The following NOS3 variants were observed in gnomAD, a reference collection of about 807,000 sequenced individuals.
NOS3 encodes NOS type III.
In NOS3, 98 loss-of-function variants were observed where a neutral mutation model predicts 144.9. The observed-to-expected ratio is 0.68, with a 90% CI of 0.57 to 0.80. The LOEUF is 0.80. NOS3 is among the 30% of genes least tolerant of loss of function. NOS3 has a pLI of 0.00. For synonymous variants in NOS3, 714 were observed against 702.4 expected, an observed-to-expected ratio of 1.02 and a Z score of -0.26; for missense variants, 1,465 against 1,656.4, an observed-to-expected ratio of 0.88 and a Z score of 2.01.
rs1319448556 is a variant in NOS3 at position 150,999,261 on chromosome 7, T to C, written c.1028T>C (p.Ile343Thr). Residue 343 changes from isoleucine to threonine, a missense_variant, in exon 9 of 27, where the codon ATT becomes ACT. This residue lies in a region of NOS3 where 745 missense variants were observed against 853.9 expected (regional missense o/e 0.87). Coordinates refer to ENST00000297494, the MANE Select transcript of NOS3 (RefSeq NM_000603.5). ...GCAGTGTCCAACATGCTGCTGGAAA[T>C]TGGGGGCCTGGAGTTCCCCGCAGCC... ...LPAVSNMLLE[I>T]GGLEFPAAPF... 6.8e-6 allele frequency: 11 copies of C among 1,612,116 alleles called. No individual in the cohort carries two copies. The highest frequency in any genetic ancestry group is 2.2e-5 in the East Asian group (1 of 44,890).
chr7:150,991,943 C>G (rs1802262860), intron 1 of NOS3, among the ~76,000 whole-genome samples: 1 of 151,488 alleles, frequency 6.6e-6, no homozygotes, highest in Non-Finnish European at 1.5e-5. Flanking sequence ...TTACAGTGAG[C>G]TGAGATAGCA....
rs763782150 is a variant in NOS3, at chr7:151,006,414, C to T, written c.1753-13C>T. 4 of 1,611,464 alleles carry T rather than the reference C, an allele frequency of 2.5e-6. No individual in the cohort carries two copies. The South Asian group carries it at 3.3e-5, about 13-fold the overall frequency. On this transcript the variant is annotated splice_polypyrimidine_tract_variant and intron_variant, in intron 14 of 26. Transcript: ENST00000297494. ...AACAAAACTAACCCTGATGCAAACACTCCCCTCGCCAGAGCTTTGCAGCTG... is the reference window on the plus strand; with the variant it reads ...AACAAAACTAACCCTGATGCAAACATTCCCCTCGCCAGAGCTTTGCAGCTG...
Position 151,010,142 on chromosome 7 carries a change from A to AC in NOS3, c.2545dup (p.Arg849ProfsTer183), listed in dbSNP as rs1795272327. Reference sequence around the variant, plus strand: ...GGCCCTCCCCCCGGCTGGGTGCGGGACCCCCGGCTGCCCCCGTGCACGCTG... The same window carrying AC: ...GGCCCTCCCCCCGGCTGGGTGCGGGACCCCCCGGCTGCCCCCGTGCACGCTG... On this transcript the variant is annotated frameshift_variant, in exon 21 of 27. Coordinates refer to ENST00000297494, the MANE Select transcript of NOS3 (RefSeq NM_000603.5). LOFTEE classifies it high-confidence loss of function. The AC allele has an allele frequency of 6.2e-7, 1 of 1,606,564 alleles. No homozygotes were observed. Among genetic ancestry groups the AC allele is most frequent in the African/African-American group, 1.3e-5 (1 of 74,686 alleles).
rs144949709 is a variant in NOS3, at chr7:151,001,878, G to C, written c.1560G>C (p.Ala520=). ...MGTVMAKRVK[A]TILYGSETGR... is the part of the protein sequence containing the mutation. ...CGGTGATGGCGAAGCGAGTGAAGGC[G>C]ACAATCCTGTATGGCTCCGAGACCG... The change falls in exon 13 of 27, where the codon GCG becomes GCC. Residue 520 remains alanine, a synonymous_variant. Transcript: ENST00000297494. The C allele has an allele frequency of 6.2e-7, 1 of 1,613,602 alleles. No individual in the cohort carries two copies. The highest frequency in any genetic ancestry group is 8.5e-7 in the Non-Finnish European group (1 of 1,180,042).
chr7:151,000,484 C>T lies in NOS3; in HGVS notation c.1132-14C>T. The T allele has an allele frequency of 1.3e-6, 2 of 1,561,244 alleles. No individual in the cohort carries two copies. The highest frequency in any genetic ancestry group is 8.8e-7 in the Non-Finnish European group (1 of 1,132,270). ...CCTCTGTCCCTACCGATGCCACACA[C>T]CCTTCTGCCCCAGGATGTGGCTGTC... On this transcript the variant is annotated splice_polypyrimidine_tract_variant and intron_variant, in intron 9 of 26. Coordinates refer to ENST00000297494, the MANE Select transcript of NOS3 (RefSeq NM_000603.5).
At chr7:151,007,372 C>A in intron 17 of NOS3, 96 bp downstream of exon 17, 1 of 1,335,556 alleles carries the variant, frequency 7.5e-7, no homozygotes, top group Non-Finnish European at 1.0e-6. Context: ...TTGGTCCCTT[C>A]CTGTTCCTTC....
rs1371010246 is a variant in NOS3, at chr7:151,014,480, ATC to A, written c.*313_*314del. 2 of 390,100 alleles carry A rather than the reference ATC, an allele frequency of 5.1e-6. No individual in the cohort carries two copies. Among genetic ancestry groups the A allele is most frequent in the Non-Finnish European group, 9.2e-6 (2 of 218,024 alleles). The allele number at this position is 390,100 out of a possible 1,614,324, so 24.2% of individuals were successfully genotyped here. The stretch of plus-strand genomic sequence containing the variant: ...GATTCCTCTTGCCTCTCTCAGGAGT[ATC>A]TTACCTGTAAAGTCTAATCTCTAAA... On this transcript the variant is annotated 3_prime_UTR_variant, in exon 27 of 27. Coordinates refer to ENST00000297494, the MANE Select transcript of NOS3 (RefSeq NM_000603.5).
chr7:151,009,618 C>A (rs1448518814), intron 20 of NOS3, 33 bp downstream of exon 20: 3 of 1,475,108 alleles, frequency 2.0e-6, no homozygotes, highest in African/African-American at 1.4e-5. Context: ...ACAGGGCACA[C>A]CAGCCCCATG....
rs1271726790 is a variant in NOS3 at position 150,998,305 on chromosome 7, GA to G, written c.583-51del. ...CAGCTCCTCTGGAGCTGATACTCAA[GA>G]CCCCCCGTCTCTCTCCTCACCCTCC... On this transcript the variant is annotated intron_variant, in intron 5 of 26. Transcript: ENST00000297494. The surrounding 1 kb of genome is among the most constrained non-coding windows in gnomAD (Gnocchi z 5.0). 2.9e-5 allele frequency: 45 copies of G among 1,530,522 alleles called. No homozygotes were observed. The highest frequency in any genetic ancestry group is 1.7e-4 in the Middle Eastern group (1 of 5,920). The allele number at this position is 1,530,522 out of a possible 1,614,324, so 94.8% of individuals were successfully genotyped here.
At chr7:151,006,314 TA>T in intron 14 of NOS3, 112 bp from the exon 15 acceptor site, 2 of 823,450 alleles carry the variant, frequency 2.4e-6, no homozygotes, top group Non-Finnish European at 4.0e-6. Flanking sequence ...TCAAAACAAA[TA>T]AAAATTAAGT....
At chr7:151,004,153 A>T (rs7776461) in intron 14 of NOS3, among the ~76,000 whole-genome samples, 25 of 152,200 alleles carry the variant, frequency 1.6e-4, no homozygotes, top group Admixed American at 1.6e-3. Flanking sequence ...CCTGGCCAAC[A>T]TGGCAAAACC....
chr7:150,994,345 G>A (rs999586395), intron 2 of NOS3, among the ~76,000 whole-genome samples: 3 of 152,210 alleles, frequency 2.0e-5, no homozygotes, highest in Non-Finnish European at 2.9e-5. Flanking sequence ...CAACAGCAGC[G>A]ATGATTATTT....
At position 151,008,954 on chromosome 7, in the gene NOS3, G is replaced by A. The variant is rs750314400; in HGVS notation, c.2137G>A (p.Gly713Arg). The change falls in exon 18 of 27, where the codon GGA (glycine) becomes AGA (arginine). Residue 713 changes from glycine to arginine, a missense_variant. Gly to Arg is a moderately radical substitution (Grantham distance 125). Transcript: ENST00000297494. ...GGCCGCCTGTGAGACCTTCTGTGTG[G>A]GAGAGGATGCCAAGGCCGCCGCCCG... ...FQAACETFCV[G>R]EDAKAAARDI... 1.9e-6 allele frequency: 3 copies of A among 1,610,488 alleles called. No homozygotes were observed. The highest frequency in any genetic ancestry group is 1.7e-5 in the Admixed American group (1 of 59,584).
Position 150,996,507 on chromosome 7 carries a change from G to A in NOS3, c.374G>A (p.Ser125Asn). 6.2e-7 allele frequency: 1 copy of A among 1,606,670 alleles called. No individual in the cohort carries two copies. The highest frequency in any genetic ancestry group is 8.5e-7 in the Non-Finnish European group (1 of 1,178,208). Residue 125 changes from serine (S) to asparagine (N), a missense_variant, in exon 4 of 27, where the codon AGT becomes AAT. Ser to Asn is a conservative substitution (Grantham distance 46, BLOSUM62 1). Transcript: ENST00000297494. The stretch of plus-strand genomic sequence containing the variant: ...CCCCCGGCCCCTGAGCAGCTGCTGA[G>A]TCAGGCCCGGGACTTCATCAACCAG... The part of the protein sequence containing the change: ...PGPPAPEQLL[S>N]QARDFINQYY...
At chr7:150,997,821 C>A (rs576356280) in intron 5 of NOS3, among the ~76,000 whole-genome samples, 2 of 152,206 alleles carry the variant, frequency 1.3e-5, no homozygotes, top group Non-Finnish European at 2.9e-5. Context: ...CACTCCCCTG[C>A]CCCTGTCACT....
intron 14 of NOS3, among the ~76,000 whole-genome samples, chr7:151,005,316 C>T (rs562587057): frequency 6.6e-6 from 1 of 152,316 alleles, no homozygotes; most frequent in East Asian, 1.9e-4. Flanking sequence ...TGGGAACCAG[C>T]ACCCAGAGGC....
At chr7:150,996,982 CG>C in intron 5 of NOS3, 57 bp downstream of exon 5, 1 of 1,511,046 alleles carries the variant, frequency 6.6e-7, no homozygotes, top group African/African-American at 1.4e-5. Flanking sequence ...AGCGGGGTGG[CG>C]GGGCAGTTCC....
intron 14 of NOS3, among the ~76,000 whole-genome samples, chr7:151,004,744 C>T (rs1795180106): frequency 6.6e-6 from 1 of 152,186 alleles, no homozygotes; most frequent in African/African-American, 2.4e-5. Flanking sequence ...CAGAACTAAT[C>T]CACGGAGTTA....
At position 151,013,778 on chromosome 7, in the gene NOS3, C is replaced by A; in HGVS notation, c.3310C>A (p.Leu1104Met). ...GCTGGCTGCGGAGGTGCACCGCGTG[C>A]TGTGCCTCGAGCGGGGCCACATGTT... The part of the protein sequence containing the change: ...TELAAEVHRV[L>M]CLERGHMFVC... Residue 1104 changes from leucine (L) to methionine (M), a missense_variant, in exon 26 of 27, where the codon CTG becomes ATG. By Grantham distance (15) the Leu-to-Met change is conservative (BLOSUM62 2). Coordinates refer to ENST00000297494, the MANE Select transcript of NOS3 (RefSeq NM_000603.5). 1 of 1,611,658 alleles carries A rather than the reference C, an allele frequency of 6.2e-7. No homozygotes were observed. Among genetic ancestry groups the A allele is most frequent in the Non-Finnish European group, 8.5e-7 (1 of 1,179,412 alleles).
Sources: allele counts gnomAD v4.1 joint callset (sites outside exome capture counted in the v4.1 genomes callset), GRCh38; gene constraint gnomAD v4.1.1; regional missense constraint gnomAD v4.1.1; non-coding constraint Gnocchi (gnomAD v3.1); transcripts MANE v1.5; gene names NCBI Gene and HGNC (gene_info 2026-07-23, HGNC 2026-07-21).